The following DPP8 variants were observed in gnomAD, a reference collection of about 807,000 sequenced individuals.
DPP8 encodes DPP VIII.
Under a neutral mutation model 107.5 loss-of-function variants are expected in DPP8, and 31 were observed. That is an observed-to-expected ratio of 0.29 (90% confidence interval 0.22 to 0.39). DPP8 has a LOEUF of 0.39. Among genes scored for constraint, DPP8 ranks in the 10% least tolerant of loss-of-function variants. The probability of loss-of-function intolerance (pLI) is 1.00; values close to 1 mark genes in which losing one functional copy is unlikely to be tolerated. For missense variants in DPP8, 842 were observed against 1,076.1 expected (o/e 0.78, Z 3.04); for synonymous variants, 381 against 356.6 (o/e 1.07, Z -0.77).
At chr15:65,489,120 C>A (rs1054735737) in intron 6 of DPP8, among the ~76,000 whole-genome samples, 20 of 152,000 alleles carry the variant, frequency 1.3e-4, no homozygotes, top group Admixed American at 2.0e-4. Flanking sequence ...ACCACCACAC[C>A]CAGCTAATTT....
At chr15:65,516,677 G>C (rs1162535325) in intron 1 of DPP8, 1 of 152,204 alleles carries the variant, frequency 6.6e-6, no homozygotes, top group Non-Finnish European at 1.5e-5. Flanking sequence ...TAGGACTCTT[G>C]AGTTTGGATC....
At chr15:65,447,332 TTTAC>T (rs2063551390) in intron 19 of DPP8, among the ~76,000 whole-genome samples, 1 of 152,208 alleles carries the variant, frequency 6.6e-6, no homozygotes, top group Non-Finnish European at 1.5e-5. Context: ...ATTATTTGCC[TTTAC>T]TTGTTGTGCC....
intron 15 of DPP8, among the ~76,000 whole-genome samples, chr15:65,461,055 C>T (rs78598644): frequency 0.037 from 5,586 of 152,234 alleles, 368 homozygotes; most frequent in African/African-American, 0.13. Context: ...CTCACAGTGG[C>T]TTTGATTTGC....
intron 11 of DPP8, among the ~76,000 whole-genome samples, chr15:65,477,826 C>A (rs2437051): frequency 6.6e-6 from 1 of 152,062 alleles, no homozygotes; most frequent in Non-Finnish European, 1.5e-5. Flanking sequence ...GCCACCGTGC[C>A]GGGCCTTTTT....
chr15:65,464,207 C>CA (rs1288450378), intron 14 of DPP8, among the ~76,000 whole-genome samples: 2 of 151,898 alleles, frequency 1.3e-5, no homozygotes, highest in Non-Finnish European at 2.9e-5. Context: ...ACTAAAAATA[C>CA]AAAAAATTAG....
chr15:65,474,131 A>T, intron 12 of DPP8, 78 bp downstream of exon 12: 2 of 1,094,432 alleles, frequency 1.8e-6, no homozygotes, highest in Non-Finnish European at 2.8e-6. Flanking sequence ...GGGTCATATT[A>T]AATTACATTA....
chr15:65,500,697 G>A lies in DPP8; in HGVS notation c.455C>T (p.Ser152Phe), dbSNP rs769490950. The A allele has an allele frequency of 1.1e-4, 177 of 1,613,726 alleles. No homozygotes were observed. In the East Asian group the frequency reaches 3.6e-3, roughly 33 times the overall value. Residue 152 changes from serine (S) to phenylalanine (F), a missense_variant, in exon 4 of 20, where the codon TCT (serine) becomes TTT (phenylalanine). Physicochemically the swap from Ser to Phe is radical, Grantham distance 155. Coordinates refer to ENST00000300141, the MANE Select transcript of DPP8 (RefSeq NM_130434.5). ...TCCACTTCCTTGGTGATAATCGTAA[G>A]AAGCAATTCCGACTGTTCCAATGCG... is the stretch of plus-strand genomic sequence containing the variant. Reference protein sequence around the residue: ...RKRIGTVGIASYDYHQGSGTF... With the variant: ...RKRIGTVGIAFYDYHQGSGTF...
chr15:65,448,188 G>T (rs78718018), intron 19 of DPP8, among the ~76,000 whole-genome samples: 10,748 of 151,646 alleles, frequency 0.071, 409 homozygotes, highest in African/African-American at 0.12. Context: ...AGTTTGAAAC[G>T]AGCCCAGGAA....
chr15:65,502,471 A>G (rs1345257376), intron 3 of DPP8, among the ~76,000 whole-genome samples: 1 of 152,066 alleles, frequency 6.6e-6, no homozygotes, highest in Non-Finnish European at 1.5e-5. Flanking sequence ...CGTGGTCAGG[A>G]GTTCAAATCC....
chr15:65,502,577 C>T lies in DPP8; in HGVS notation c.373-1798G>A, dbSNP rs911939621. Among the ~76,000 whole-genome samples the T allele has an allele frequency of 4.6e-5, 7 of 151,802 alleles. No individual in the cohort carries two copies. The East Asian group carries it at 1.4e-3, about 29-fold the overall frequency. ...TCTGTAGTCCCGGCTACTCAGAAGG[C>T]TGAGGCAGGAGAATCACTTGAACCT... On this transcript the variant is annotated intron_variant, in intron 3 of 19. Coordinates refer to ENST00000300141, the MANE Select transcript of DPP8 (RefSeq NM_130434.5).
At chr15:65,482,602 G>A (rs543151984) in intron 8 of DPP8, among the ~76,000 whole-genome samples, 34 of 152,220 alleles carry the variant, frequency 2.2e-4, no homozygotes, top group Non-Finnish European at 4.1e-4. Context: ...TAAAGAAATA[G>A]TCCTGGATAA....
In DPP8 at chr15:65,494,047, ATC is replaced by A. The variant is rs1209410458; in HGVS notation, c.716-3750_716-3749del. 4.1e-5 allele frequency among the ~76,000 whole-genome samples: 6 copies of A among 144,852 alleles called. 1 individual carries two copies. Among genetic ancestry groups the A allele is most frequent in the African/African-American group, 1.7e-4 (6 of 34,708 alleles). On this transcript the variant is annotated intron_variant, in intron 5 of 19. Coordinates refer to ENST00000300141, the MANE Select transcript of DPP8 (RefSeq NM_130434.5). ...CTATGTTGATGTGCTATTAATTAAT[ATC>A]TGTTTTTACAGATGTGGAAACTAAG... is the stretch of plus-strand genomic sequence containing the variant.
intron 14 of DPP8, among the ~76,000 whole-genome samples, chr15:65,466,309 T>C (rs907438666): frequency 1.3e-5 from 2 of 149,570 alleles, no homozygotes; most frequent in Non-Finnish European, 3.0e-5. Context: ...CAGCTAATAT[T>C]TGTATTTTTA....
rs2063411209 is a variant in DPP8, at chr15:65,444,295, T to C, written c.*2589A>G. On this transcript the variant is annotated 3_prime_UTR_variant, in exon 20 of 20. Coordinates refer to ENST00000300141, the MANE Select transcript of DPP8 (RefSeq NM_130434.5). ...AAGTATCCCAGATGAATCTTAGATT[T>C]TGAGTTCCACTACTCTGTAATGCTC... The C allele has an allele frequency of 6.6e-6, 1 of 152,230 alleles. No homozygotes were observed. The highest frequency in any genetic ancestry group is 1.5e-5 in the Non-Finnish European group (1 of 68,048). The allele number at this position is 152,230 out of a possible 1,614,324, so 9.4% of individuals were successfully genotyped here. A position where few individuals can be genotyped will look rare whatever the true frequency, so the allele number is the denominator to read the frequency against.
intron 9 of DPP8, among the ~76,000 whole-genome samples, chr15:65,481,282 A>T (rs1040129732): frequency 1.3e-5 from 2 of 152,208 alleles, no homozygotes. Flanking sequence ...TAACACTGTG[A>T]ACCATAACTG....
chr15:65,514,794 G>A (rs2071240050), intron 1 of DPP8, among the ~76,000 whole-genome samples: 1 of 152,202 alleles, frequency 6.6e-6, no homozygotes, highest in Non-Finnish European at 1.5e-5. Flanking sequence ...ACAGGTGGGA[G>A]CCACCGTGCC....
intron 16 of DPP8, 88 bp downstream of exon 16, chr15:65,456,135 TCC>T (rs2064400430): frequency 2.1e-6 from 3 of 1,432,048 alleles, no homozygotes; most frequent in South Asian, 2.7e-5. Context: ...CATAGCCCCT[TCC>T]CCCAACTCTC....
At chr15:65,488,652 A>C (rs184965233) in intron 6 of DPP8, among the ~76,000 whole-genome samples, 1 of 151,660 alleles carries the variant, frequency 6.6e-6, no homozygotes, top group Non-Finnish European at 1.5e-5. Flanking sequence ...ACAAAACAGC[A>C]TAACAGTATC....
At chr15:65,510,037 CA>C (rs1244684365) in intron 2 of DPP8, among the ~76,000 whole-genome samples, 1 of 151,294 alleles carries the variant, frequency 6.6e-6, no homozygotes, top group Non-Finnish European at 1.5e-5. Context: ...AAACAAAAAA[CA>C]AAAAAGGCCA....
Sources: allele counts gnomAD v4.1 joint callset (sites outside exome capture counted in the v4.1 genomes callset), GRCh38; gene constraint gnomAD v4.1.1; transcripts MANE v1.5; gene names NCBI Gene and HGNC (gene_info 2026-07-23, HGNC 2026-07-21).